ARHGEF28: variants seen among roughly 807,000 people sequenced by gnomAD.
ARHGEF28 encodes the protein 190 kDa guanine nucleotide exchange factor.
A neutral mutation model predicts 206.6 loss-of-function variants in ARHGEF28; 152 were observed. The ratio of observed to expected loss-of-function variants is 0.74; its 90% confidence interval spans 0.64 to 0.84. The LOEUF is 0.84. Among genes scored for constraint, ARHGEF28 ranks in the 40% least tolerant of loss-of-function variants. ARHGEF28 has a pLI of 0.00. For synonymous variants in ARHGEF28, 763 were observed against 776.4 expected (o/e 0.98, Z 0.29); for missense variants, 2,028 against 2,073.2 (o/e 0.98, Z 0.42).
At chr5:73,849,240 C>G in intron 13 of ARHGEF28, 153 bp downstream of exon 13, 1 of 588,522 alleles carries the variant, frequency 1.7e-6, no homozygotes, top group South Asian at 2.3e-5. Context: ...AAATTCTTTT[C>G]TTATTGGATA....
At chr5:73,694,374 A>G (rs1249046135) in intron 2 of ARHGEF28, among the ~76,000 whole-genome samples, 4 of 152,066 alleles carry the variant, frequency 2.6e-5, no homozygotes, top group Non-Finnish European at 5.9e-5. Context: ...ATGCTGCCTC[A>G]CTTCCTGTAT....
intron 35 of ARHGEF28, among the ~76,000 whole-genome samples, chr5:73,923,697 CA>C (rs1448807832): frequency 6.6e-6 from 1 of 152,078 alleles, no homozygotes. Context: ...TAAGGTAAAA[CA>C]TTGATCTTCT....
chr5:73,766,124 G>A (rs377428186), intron 4 of ARHGEF28, among the ~76,000 whole-genome samples: 11 of 150,868 alleles, frequency 7.3e-5, no homozygotes, highest in African/African-American at 1.5e-4. Context: ...ACTGCAATCC[G>A]GCCTGGGCTA....
At chr5:73,743,832 G>A (rs1431811104) in intron 2 of ARHGEF28, among the ~76,000 whole-genome samples, 1 of 152,056 alleles carries the variant, frequency 6.6e-6, no homozygotes, top group Non-Finnish European at 1.5e-5. Flanking sequence ...TTTCAGGATG[G>A]GAACTACATT....
intron 16 of ARHGEF28, among the ~76,000 whole-genome samples, chr5:73,862,000 G>A (rs1759433253): frequency 2.0e-5 from 3 of 152,134 alleles, no homozygotes; most frequent in Non-Finnish European, 4.4e-5. Flanking sequence ...GTTTTTAATT[G>A]TGAAGGTTAA....
intron 9 of ARHGEF28, among the ~76,000 whole-genome samples, chr5:73,828,639 T>C (rs1757070811): frequency 7.9e-6 from 1 of 126,904 alleles, no homozygotes; most frequent in African/African-American, 3.0e-5. Context: ...TCCTTTTGTT[T>C]CTCCTTTCCT....
chr5:73,804,719 A>G (rs145792865), intron 9 of ARHGEF28, among the ~76,000 whole-genome samples: 3 of 151,908 alleles, frequency 2.0e-5, no homozygotes, highest in African/African-American at 7.3e-5. Flanking sequence ...TTTCATCATT[A>G]CACTGAGAAT....
intron 35 of ARHGEF28, among the ~76,000 whole-genome samples, chr5:73,934,944 C>T (rs1764336123): frequency 1.3e-5 from 2 of 152,168 alleles, no homozygotes; most frequent in African/African-American, 4.8e-5. Context: ...TCCCACGGGG[C>T]TTGTGATGTG....
intron 2 of ARHGEF28, among the ~76,000 whole-genome samples, chr5:73,703,937 T>A (rs1039385508): frequency 1.3e-5 from 2 of 151,366 alleles, no homozygotes; most frequent in Non-Finnish European, 2.9e-5. Context: ...GGCAGGAGAA[T>A]CGCTTGAACA....
intron 1 of ARHGEF28, among the ~76,000 whole-genome samples, chr5:73,640,822 A>G (rs2112138371): frequency 6.6e-6 from 1 of 152,346 alleles, no homozygotes; most frequent in East Asian, 1.9e-4. Flanking sequence ...ATATAAAACC[A>G]AAAACTGTAG....
chr5:73,672,321 G>T (rs1178451876), intron 1 of ARHGEF28, among the ~76,000 whole-genome samples: 1 of 152,120 alleles, frequency 6.6e-6, no homozygotes, highest in African/African-American at 2.4e-5. Context: ...CCTAAAGATA[G>T]CATGTCCTTA....
intron 2 of ARHGEF28, among the ~76,000 whole-genome samples, chr5:73,717,007 T>C (rs1013951973): frequency 2.6e-4 from 39 of 152,236 alleles, no homozygotes; most frequent in African/African-American, 9.2e-4. Context: ...ATCCTTGAAA[T>C]GTATTCTTTA....
In ARHGEF28 at chr5:73,872,588, A is replaced by G. The variant is rs562686886; in HGVS notation, c.2567-411A>G. On this transcript the variant is annotated intron_variant, in intron 21 of 35. Transcript: ENST00000513042. ...TTTCTTTAGTTCCATTCATTTCACC[A>G]AATTAATTGTGCTCCTGCTCAATGC... 1.1e-3 allele frequency among the ~76,000 whole-genome samples: 161 copies of G among 152,334 alleles called. 1 individual carries two copies. The highest frequency in any genetic ancestry group is 0.011 in the Admixed American group (161 of 15,286).
In ARHGEF28 at chr5:73,886,070, T is replaced by C. The variant is rs755853013; in HGVS notation, c.3276T>C (p.Leu1092=). Reference sequence around the variant, plus strand: ...AAAGGACTCTGTTATATGATGGCCTTGTTTACTGGAAAACTGCTACAGGTC... The same window carrying C: ...AAAGGACTCTGTTATATGATGGCCTCGTTTACTGGAAAACTGCTACAGGTC... ...SEERTLLYDG[L]VYWKTATGRF... Residue 1092 remains leucine, a synonymous_variant, in exon 25 of 36, where the codon CTT becomes CTC. Transcript: ENST00000513042. 27 of 1,613,334 alleles carry C rather than the reference T, an allele frequency of 1.7e-5. No homozygotes were observed. The highest frequency in any genetic ancestry group is 2.2e-5 in the Non-Finnish European group (26 of 1,179,746).
In ARHGEF28 at chr5:73,739,919, G is replaced by T. The variant is rs1021593057; in HGVS notation, c.34-9918G>T. Among the ~76,000 whole-genome samples, 17 of 150,716 alleles carry T rather than the reference G, an allele frequency of 1.1e-4. No individual in the cohort carries two copies. In the South Asian group the frequency reaches 3.6e-3, roughly 31 times the overall value. On this transcript the variant is annotated intron_variant, in intron 2 of 35. Transcript: ENST00000513042. Reference sequence around the variant, plus strand: ...GTGATGGCTCATGTCTGTAATTCCAGCGCTTTGGGAGGTTGAGGTGGGGGG... The same window carrying T: ...GTGATGGCTCATGTCTGTAATTCCATCGCTTTGGGAGGTTGAGGTGGGGGG...
intron 2 of ARHGEF28, among the ~76,000 whole-genome samples, chr5:73,731,434 T>C (rs1429396998): frequency 1.3e-5 from 2 of 152,218 alleles, no homozygotes; most frequent in African/African-American, 2.4e-5. Flanking sequence ...AGAAGGGGTC[T>C]TATGTAATAC....
chr5:73,749,765 G>T, intron 2 of ARHGEF28, 72 bp from the exon 3 acceptor site: 1 of 1,553,738 alleles, frequency 6.4e-7, no homozygotes, highest in Non-Finnish European at 8.8e-7. Context: ...ATGGACCCAG[G>T]TCCTTTGTAT....
intron 22 of ARHGEF28, among the ~76,000 whole-genome samples, chr5:73,878,142 C>T (rs1337769459): frequency 1.3e-5 from 2 of 151,832 alleles, no homozygotes; most frequent in Non-Finnish European, 2.9e-5. Flanking sequence ...GGATAGTTAG[C>T]TCTTCTTGTT....
chr5:73,704,277 G>A (rs1748794654), intron 2 of ARHGEF28, among the ~76,000 whole-genome samples: 1 of 152,100 alleles, frequency 6.6e-6, no homozygotes, highest in African/African-American at 2.4e-5. Context: ...TCATCTACCT[G>A]TTAGAAAGTA....
Sources: gnomAD v4.1 joint callset for allele counts (sites outside exome capture counted in the v4.1 genomes callset) on GRCh38, gnomAD v4.1.1 for gene constraint, MANE v1.5 for transcripts, NCBI Gene and HGNC (gene_info 2026-07-23, HGNC 2026-07-21) for gene names.